Variants in TNR observed in about 807,000 individuals in gnomAD.
TNR encodes tenascin R, also known as tenascin-R.
TNR carries 45 observed loss-of-function variants against 150.4 expected under a neutral mutation model. The observed-to-expected ratio is 0.30, with a 90% confidence interval of 0.24 to 0.38. The LOEUF (loss-of-function observed/expected upper bound fraction) is 0.38. Ranked by LOEUF, TNR falls within the 10% of genes least tolerant of loss-of-function variation. The probability of loss-of-function intolerance (pLI) is 1.00; values close to 1 mark genes in which losing one functional copy is unlikely to be tolerated. For missense variants in TNR, 1,544 were observed against 1,759.1 expected, an observed-to-expected ratio of 0.88 and a Z score of 2.19; for synonymous variants, 687 against 678.4, an observed-to-expected ratio of 1.01 and a Z score of -0.20.
intron 2 of TNR, among the ~76,000 whole-genome samples, chr1:175,478,170 C>T (rs574086339): frequency 6.6e-6 from 1 of 152,292 alleles, no homozygotes; most frequent in South Asian, 2.1e-4. Flanking sequence ...TGGCATTTCT[C>T]TTTAGAGTGG....
chr1:175,427,970 A>T (rs1328874404), intron 2 of TNR, among the ~76,000 whole-genome samples: 3 of 150,132 alleles, frequency 2.0e-5, no homozygotes. Flanking sequence ...AGCACCAAAA[A>T]ATGCATTACA....
intron 2 of TNR, among the ~76,000 whole-genome samples, chr1:175,462,474 C>T (rs1013247643): frequency 2.0e-4 from 30 of 152,104 alleles, no homozygotes; most frequent in African/African-American, 7.2e-4. Context: ...TAAAGATGTG[C>T]CCGTCCACAG....
At chr1:175,399,444 G>C (rs1653595099) in intron 4 of TNR, among the ~76,000 whole-genome samples, 1 of 152,230 alleles carries the variant, frequency 6.6e-6, no homozygotes, top group Non-Finnish European at 1.5e-5. Flanking sequence ...TGGCAACTTA[G>C]CTTGAGGCCT....
At chr1:175,424,946 G>C (rs932227326) in intron 2 of TNR, among the ~76,000 whole-genome samples, 2 of 152,038 alleles carry the variant, frequency 1.3e-5, no homozygotes, top group African/African-American at 4.8e-5. Context: ...AAGCCAGAGG[G>C]CTCTAGTAGT....
At chr1:175,546,585 G>T (rs576430975) in intron 1 of TNR, among the ~76,000 whole-genome samples, 7 of 152,180 alleles carry the variant, frequency 4.6e-5, no homozygotes, top group African/African-American at 1.4e-4. Context: ...AATCTAAAAC[G>T]ATATCACATA....
chr1:175,677,125 G>A (rs1221802792), intron 1 of TNR, among the ~76,000 whole-genome samples: 3 of 152,240 alleles, frequency 2.0e-5, no homozygotes, highest in African/African-American at 7.2e-5. Context: ...AGTATTAAGA[G>A]AGGCTGAAGA....
At chr1:175,491,984 T>C (rs1490426824) in intron 2 of TNR, among the ~76,000 whole-genome samples, 3 of 151,588 alleles carry the variant, frequency 2.0e-5, no homozygotes, top group Non-Finnish European at 4.4e-5. Flanking sequence ...TTTTCATAGT[T>C]GGTTCCATGA....
chr1:175,633,441 G>C (rs916701998), intron 1 of TNR, among the ~76,000 whole-genome samples: 4 of 152,146 alleles, frequency 2.6e-5, no homozygotes, highest in African/African-American at 9.7e-5. Flanking sequence ...AAGAAGGAAA[G>C]AAATTATAGC....
At chr1:175,557,570 G>A (rs1661218763) in intron 1 of TNR, among the ~76,000 whole-genome samples, 1 of 152,106 alleles carries the variant, frequency 6.6e-6, no homozygotes, top group South Asian at 2.1e-4. Context: ...TGTCATACAA[G>A]ATAGCCATCT....
chr1:175,715,151 A>G (rs1042259058), intron 1 of TNR, among the ~76,000 whole-genome samples: 4 of 152,140 alleles, frequency 2.6e-5, no homozygotes, highest in Non-Finnish European at 1.5e-5. Flanking sequence ...ATATCCCCAC[A>G]TTGAAGGATG....
At chr1:175,726,887 A>G (rs935442429) in intron 1 of TNR, among the ~76,000 whole-genome samples, 3 of 152,200 alleles carry the variant, frequency 2.0e-5, no homozygotes, top group African/African-American at 7.2e-5. Context: ...TTATAGGTAA[A>G]TCAACAAAGA....
intron 2 of TNR, among the ~76,000 whole-genome samples, chr1:175,514,974 G>C (rs1306501667): frequency 6.6e-6 from 1 of 152,264 alleles, no homozygotes; most frequent in South Asian, 2.1e-4. Context: ...TTCAGATAAA[G>C]AGTGGGAGGA....
intron 6 of TNR, among the ~76,000 whole-genome samples, chr1:175,391,853 G>A (rs1022987597): frequency 3.3e-5 from 5 of 152,248 alleles, no homozygotes; most frequent in African/African-American, 7.2e-5. Flanking sequence ...GGATAGTCAT[G>A]TGTGTTTGTG....
At chr1:175,617,475 G>A (rs933314243) in intron 1 of TNR, among the ~76,000 whole-genome samples, 1 of 152,212 alleles carries the variant, frequency 6.6e-6, no homozygotes, top group South Asian at 2.1e-4. Context: ...TGGTGACAAT[G>A]CGATCCCTCT....
chr1:175,383,833 C>T (rs1321498131), intron 8 of TNR, among the ~76,000 whole-genome samples: 1 of 152,182 alleles, frequency 6.6e-6, no homozygotes, highest in East Asian at 1.9e-4. Context: ...TGCATCTCCT[C>T]ATCCCTTCTT....
At chr1:175,582,143 G>T (rs1571636044) in intron 1 of TNR, among the ~76,000 whole-genome samples, 1 of 152,128 alleles carries the variant, frequency 6.6e-6, no homozygotes, top group African/African-American at 2.4e-5. Flanking sequence ...TCCTTTATAG[G>T]TAATGCCTTT....
intron 1 of TNR, among the ~76,000 whole-genome samples, chr1:175,660,753 G>A (rs1464106178): frequency 6.6e-6 from 1 of 152,166 alleles, no homozygotes; most frequent in African/African-American, 2.4e-5. Context: ...TAGGAGAGAG[G>A]AACAGCTCAA....
At chr1:175,634,961 A>C (rs1227694187) in intron 1 of TNR, among the ~76,000 whole-genome samples, 1 of 152,226 alleles carries the variant, frequency 6.6e-6, no homozygotes, top group African/African-American at 2.4e-5. Flanking sequence ...AAAGGTTCCC[A>C]AACCAATATC....
chr1:175,736,915 G>A (rs541255524), intron 1 of TNR, among the ~76,000 whole-genome samples: 1 of 152,210 alleles, frequency 6.6e-6, no homozygotes, highest in South Asian at 2.1e-4. Flanking sequence ...CAGATCCTCA[G>A]GGGGCTGAGG....
Sources: allele counts gnomAD v4.1 joint callset (sites outside exome capture counted in the v4.1 genomes callset), GRCh38; gene constraint gnomAD v4.1.1; transcripts MANE v1.5; gene names NCBI Gene and HGNC (gene_info 2026-07-23, HGNC 2026-07-21).